The following NAALAD2 variants were observed in gnomAD, a reference collection of about 807,000 sequenced individuals.
NAALAD2 encodes N-acetylated alpha-linked acidic dipeptidase 2, also known as N-acetylated-alpha-linked acidic dipeptidase 2.
NAALAD2 carries 89 observed loss-of-function variants against 95.6 expected under a neutral mutation model. The ratio of observed to expected loss-of-function variants is 0.93; its 90% CI spans 0.78 to 1.11. The LOEUF is 1.11. Ranked by LOEUF, NAALAD2 falls within the 50% of genes least tolerant of loss-of-function variation. NAALAD2 has a pLI of 0.00. For synonymous variants in NAALAD2, 264 were observed against 294.4 expected (o/e 0.90, Z 1.06); for missense variants, 894 against 872.4 (o/e 1.02, Z -0.31).
At chr11:90,183,176 A>T (rs1857019125) in intron 18 of NAALAD2, among the ~76,000 whole-genome samples, 168 bp downstream of exon 18, 1 of 152,190 alleles carries the variant, frequency 6.6e-6, no homozygotes, top group African/African-American at 2.4e-5. Flanking sequence ...TAGAAAAATA[A>T]ATTTCATATT....
intron 18 of NAALAD2, among the ~76,000 whole-genome samples, chr11:90,189,305 A>C (rs1441847098): frequency 2.0e-5 from 3 of 152,164 alleles, no homozygotes; most frequent in Non-Finnish European, 2.9e-5. Flanking sequence ...TAAGATAATA[A>C]ATTTTTTTAA....
At chr11:90,157,870 G>A (rs372644865) in intron 6 of NAALAD2, among the ~76,000 whole-genome samples, 37 of 151,962 alleles carry the variant, frequency 2.4e-4, no homozygotes, top group East Asian at 1.9e-3. Context: ...ACAGGCATGC[G>A]CCACCACGTC....
Position 90,155,697 on chromosome 11 carries a change from GTA to G in NAALAD2, c.797-2446_797-2445del, listed in dbSNP as rs1565523553. ...ATGTATGTAATACATACATACATAT[GTA>G]TGTATTATTATTGTATGTATGTAAT... is the stretch of plus-strand genomic sequence containing the variant. On this transcript the variant is annotated intron_variant, in intron 6 of 18. Coordinates refer to ENST00000534061, the MANE Select transcript of NAALAD2 (RefSeq NM_005467.4). 2.8e-5 allele frequency among the ~76,000 whole-genome samples: 3 copies of G among 108,640 alleles called. 1 individual carries two copies. The highest frequency in any genetic ancestry group is 1.3e-4 in the African/African-American group (3 of 22,474). The allele number at this position is 108,640 out of a possible 152,430, so 71.3% of individuals were successfully genotyped here. A position where few individuals can be genotyped will look rare whatever the true frequency, so the allele number is the denominator to read the frequency against.
At chr11:90,182,879 G>A (rs368170290) in intron 17 of NAALAD2, 37 bp from the exon 18 acceptor site, 275 of 1,302,932 alleles carry the variant, frequency 2.1e-4, no homozygotes, top group Non-Finnish European at 2.8e-4. Context: ...ATGATTCTGC[G>A]GTTTGCGTTA....
intron 12 of NAALAD2, chr11:90,169,455 G>A (rs1952568241): frequency 6.6e-6 from 1 of 151,682 alleles, no homozygotes; most frequent in Non-Finnish European, 1.5e-5. Context: ...ATTGAATCTA[G>A]CTCAGGATCA....
chr11:90,163,016 A>G lies in NAALAD2; in HGVS notation c.1057A>G (p.Arg353Gly). 6.4e-7 allele frequency: 1 copy of G among 1,574,342 alleles called. No homozygotes were observed. The highest frequency in any genetic ancestry group is 8.6e-7 in the Non-Finnish European group (1 of 1,156,264). The change falls in exon 9 of 19, where the codon AGA (arginine) becomes GGA (glycine). Residue 353 changes from arginine (R) to glycine (G), a missense_variant. Coordinates refer to ENST00000534061, the MANE Select transcript of NAALAD2 (RefSeq NM_005467.4). ...TRIYNVVGTI[R>G]GSVEPDRYVI... ...GATTTACAATGTAGTTGGAACTATC[A>G]GAGGATCTGTGGAACCTGGTGAGTC...
At chr11:90,174,667 A>AT (rs1952734572) in intron 14 of NAALAD2, among the ~76,000 whole-genome samples, 2 of 151,974 alleles carry the variant, frequency 1.3e-5, no homozygotes, top group South Asian at 4.1e-4. Context: ...ATATTATTTT[A>AT]TTTTTTATGT....
intron 2 of NAALAD2, among the ~76,000 whole-genome samples, chr11:90,145,528 TATAAA>T: frequency 6.6e-6 from 1 of 152,330 alleles, no homozygotes; most frequent in South Asian, 2.1e-4. Flanking sequence ...TTCCTATACA[TATAAA>T]ATAACTTCTG....
At chr11:90,173,505 CATTA>C (rs1952702135) in intron 13 of NAALAD2, among the ~76,000 whole-genome samples, 1 of 152,098 alleles carries the variant, frequency 6.6e-6, no homozygotes, top group Non-Finnish European at 1.5e-5. Flanking sequence ...AGCTGCCAAA[CATTA>C]ATTAAAATGG....
At chr11:90,153,931 G>A (rs1951953932) in intron 6 of NAALAD2, among the ~76,000 whole-genome samples, 1 of 151,806 alleles carries the variant, frequency 6.6e-6, no homozygotes, top group Non-Finnish European at 1.5e-5. Context: ...ATTCTGCTAG[G>A]TTTTTGTAGC....
intron 13 of NAALAD2, among the ~76,000 whole-genome samples, 178 bp downstream of exon 13, chr11:90,170,314 T>A (rs927257065): frequency 6.6e-6 from 1 of 152,250 alleles, no homozygotes; most frequent in Non-Finnish European, 1.5e-5. Flanking sequence ...TAAGAAGATA[T>A]TATCACCAGC....
At chr11:90,137,352 TA>T (rs1565506451) in intron 2 of NAALAD2, among the ~76,000 whole-genome samples, 19 of 152,108 alleles carry the variant, frequency 1.2e-4, no homozygotes. Flanking sequence ...TCAAAATAAC[TA>T]GAGTGGATTT....
intron 17 of NAALAD2, among the ~76,000 whole-genome samples, chr11:90,182,324 C>G (rs892277321): frequency 1.3e-5 from 2 of 151,986 alleles, no homozygotes; most frequent in African/African-American, 4.8e-5. Flanking sequence ...TCAGAATAAA[C>G]TTTGCTACTT....
rs116434615 is a variant in NAALAD2, at chr11:90,136,293, T to C, written c.194+623T>C. ...GGGTGTTATTTTTTAAAATCAGCTT[T>C]AGTGAAGTATAATTTACATAAAATA... On this transcript the variant is annotated intron_variant, in intron 2 of 18. Transcript: ENST00000534061. Among the ~76,000 whole-genome samples, 956 of 152,284 alleles carry C rather than the reference T, an allele frequency of 6.3e-3. 13 individuals carry two copies. The highest frequency in any genetic ancestry group is 0.022 in the African/African-American group (897 of 41,568).
Position 90,191,853 on chromosome 11 carries a change from C to A in NAALAD2, c.*106C>A. 3.5e-6 allele frequency: 3 copies of A among 858,924 alleles called. No individual in the cohort carries two copies. The highest frequency in any genetic ancestry group is 4.9e-6 in the Non-Finnish European group (3 of 615,226). The allele number at this position is 858,924 out of a possible 1,614,324, so 53.2% of individuals were successfully genotyped here. On this transcript the variant is annotated 3_prime_UTR_variant, in exon 19 of 19. Transcript: ENST00000534061. ...AGGGTGTTCTAAACTCTTTTCATGTCATGTTTTGATTATAGGCTTTGGTCT... is the reference window on the plus strand; with the variant it reads ...AGGGTGTTCTAAACTCTTTTCATGTAATGTTTTGATTATAGGCTTTGGTCT...
At chr11:90,171,539 G>A (rs897091438) in intron 13 of NAALAD2, among the ~76,000 whole-genome samples, 2 of 152,118 alleles carry the variant, frequency 1.3e-5, no homozygotes, top group African/African-American at 4.8e-5. Context: ...GATGATCCCT[G>A]GCCTTGATGT....
At chr11:90,155,359 TATA>T (rs1025081014) in intron 6 of NAALAD2, among the ~76,000 whole-genome samples, 2 of 113,870 alleles carry the variant, frequency 1.8e-5, no homozygotes, top group Non-Finnish European at 3.3e-5. Flanking sequence ...ATATTACATG[TATA>T]ATATGTAATA....
In NAALAD2 at chr11:90,176,080, T is replaced by C. The variant is rs745355054; in HGVS notation, c.1593+18T>C. 12 of 1,576,114 alleles carry C rather than the reference T, an allele frequency of 7.6e-6. No individual in the cohort carries two copies. Among genetic ancestry groups the C allele is most frequent in the Non-Finnish European group, 1.0e-5 (12 of 1,146,044 alleles). ...AGAATAAGGTAAGCCATTTTATCAT[T>C]TTGAATATATAACATTTCATCTACA... On this transcript the variant is annotated intron_variant, in intron 15 of 18. Transcript: ENST00000534061.
rs536627337 is a variant in NAALAD2 at position 90,157,474 on chromosome 11, GT to G, written c.797-663del. 9.2e-5 allele frequency among the ~76,000 whole-genome samples: 14 copies of G among 151,430 alleles called. No homozygotes were observed. The South Asian group carries it at 2.3e-3, about 25-fold the overall frequency. On this transcript the variant is annotated intron_variant, in intron 6 of 18. Coordinates refer to ENST00000534061, the MANE Select transcript of NAALAD2 (RefSeq NM_005467.4). ...TTCCCAAGATTGCATATGTTCTCTT[GT>G]TTTTTTTCCAATTATTTATAGTTTC... is the stretch of plus-strand genomic sequence containing the variant.
Sources: gnomAD v4.1 joint callset for allele counts (sites outside exome capture counted in the v4.1 genomes callset) on GRCh38, gnomAD v4.1.1 for gene constraint, MANE v1.5 for transcripts, NCBI Gene and HGNC (gene_info 2026-07-23, HGNC 2026-07-21) for gene names.